MAN1A2: variants seen among roughly 807,000 people sequenced by gnomAD.
MAN1A2 encodes the protein mannosidase alpha class 1A member 2.
A neutral mutation model predicts 75.7 loss-of-function variants in MAN1A2; 26 were observed. The observed-to-expected ratio is 0.34, with a 90% CI of 0.25 to 0.48. MAN1A2 has a LOEUF of 0.48. Among genes scored for constraint, MAN1A2 ranks in the 20% least tolerant of loss-of-function variants. The pLI, the probability that MAN1A2 is intolerant of heterozygous loss-of-function variation, is 0.99. For synonymous variants in MAN1A2, 247 were observed against 264.6 expected, an observed-to-expected ratio of 0.93 and a Z score of 0.65; for missense variants, 562 against 775.5, an observed-to-expected ratio of 0.72 and a Z score of 3.27.
At position 117,516,933 on chromosome 1, in the gene MAN1A2, G is replaced by A. The variant is rs77415948; in HGVS notation, c.1794-5892G>A. 2.0e-3 allele frequency among the ~76,000 whole-genome samples: 309 copies of A among 152,224 alleles called. 6 individuals are homozygous for A. The East Asian group carries it at 0.039, about 19-fold the overall frequency. ...ACATGCATGTGAAGAACCTACCTGA[G>A]GTGAGGGAAAGAATCATCCTAGAGG... On this transcript the variant is annotated intron_variant, in intron 12 of 12. Transcript: ENST00000356554.
At position 117,391,152 on chromosome 1, in the gene MAN1A2, A is replaced by G. The variant is rs547864928; in HGVS notation, c.303-11034A>G. On this transcript the variant is annotated intron_variant, in intron 1 of 12. Coordinates refer to ENST00000356554, the MANE Select transcript of MAN1A2 (RefSeq NM_006699.5). ...CTGGTTTCTACTCTAATCCCATTGT[A>G]GCAAAAAACATACTTTATATGGTCT... Among the ~76,000 whole-genome samples, 8 of 152,294 alleles carry G rather than the reference A, an allele frequency of 5.3e-5. No individual in the cohort carries two copies. In the East Asian group the frequency reaches 5.8e-4, roughly 11 times the overall value.
At chr1:117,518,460 G>A (rs1651781059) in intron 12 of MAN1A2, among the ~76,000 whole-genome samples, 1 of 151,750 alleles carries the variant, frequency 6.6e-6, no homozygotes, top group South Asian at 2.1e-4. Context: ...TTTATGAGGT[G>A]AAACCATTTT....
chr1:117,426,496 A>G (rs1043308334), intron 5 of MAN1A2, among the ~76,000 whole-genome samples: 1 of 152,180 alleles, frequency 6.6e-6, no homozygotes, highest in South Asian at 2.1e-4. Flanking sequence ...AAAACATCCT[A>G]AGTTGAAAAT....
rs546987670 is a variant in MAN1A2, at chr1:117,480,114, CAGTT to C, written c.1169-13028_1169-13025del. ...TTTCATGTGGTTCTTTCCATTGTCT[CAGTT>C]AGTTTCTTCACGTGCAAGTGCTGCT... On this transcript the variant is annotated intron_variant, in intron 8 of 12. Coordinates refer to ENST00000356554, the MANE Select transcript of MAN1A2 (RefSeq NM_006699.5). 1.1e-4 allele frequency among the ~76,000 whole-genome samples: 16 copies of C among 152,008 alleles called. 1 individual carries two copies. The East Asian group carries it at 2.1e-3, about 20-fold the overall frequency.
rs557419425 is a variant in MAN1A2 at position 117,408,223 on chromosome 1, G to A, written c.655+2578G>A. 2.3e-4 allele frequency among the ~76,000 whole-genome samples: 35 copies of A among 151,758 alleles called. 2 individuals carry two copies. In the South Asian group the frequency reaches 5.0e-3, roughly 22 times the overall value. On this transcript the variant is annotated intron_variant, in intron 3 of 12. Coordinates refer to ENST00000356554, the MANE Select transcript of MAN1A2 (RefSeq NM_006699.5). Reference sequence around the variant, plus strand: ...GGGGCCAGGAGTCCAAGGCTATGGGGCACCATGATCATGATGCCTGTGAAT... The same window carrying A: ...GGGGCCAGGAGTCCAAGGCTATGGGACACCATGATCATGATGCCTGTGAAT...
chr1:117,463,713 T>TAA (rs151196628), intron 7 of MAN1A2, among the ~76,000 whole-genome samples: 2 of 143,808 alleles, frequency 1.4e-5, no homozygotes, highest in African/African-American at 5.1e-5. Context: ...TTAAAAACAG[T>TAA]AAAAAAAAAA....
In MAN1A2 at chr1:117,466,443, T is replaced by C; in HGVS notation, c.1168+16T>C. The C allele has an allele frequency of 6.8e-7, 1 of 1,470,984 alleles. No individual in the cohort carries two copies. Among genetic ancestry groups the C allele is most frequent in the Non-Finnish European group, 9.3e-7 (1 of 1,075,954 alleles). The allele number at this position is 1,470,984 out of a possible 1,614,324, so 91.1% of individuals were successfully genotyped here. A position where few individuals can be genotyped will look rare whatever the true frequency, so the allele number is the denominator to read the frequency against. ...TGGGGTCAGTGTAAGTATTCTAGTA[T>C]ACCTGAGGCTTTCTTAAAAAATTAT... On this transcript the variant is annotated intron_variant, in intron 8 of 12. Transcript: ENST00000356554.
In MAN1A2 at chr1:117,524,050, G is replaced by T. The variant is rs1159373356; in HGVS notation, c.*1093G>T. On this transcript the variant is annotated 3_prime_UTR_variant, in exon 13 of 13. Coordinates refer to ENST00000356554, the MANE Select transcript of MAN1A2 (RefSeq NM_006699.5). ...ATATTCTATCTGGAATAGGGACAGG[G>T]GATCTTTTATTTATAATCTCATCAG... is the stretch of plus-strand genomic sequence containing the variant. 6.6e-6 allele frequency: 1 copy of T among 151,808 alleles called. No individual in the cohort carries two copies. The highest frequency in any genetic ancestry group is 2.4e-5 in the African/African-American group (1 of 41,250). The allele number at this position is 151,808 out of a possible 1,614,324, so 9.4% of individuals were successfully genotyped here.
chr1:117,396,706 T>C (rs1445034860), intron 1 of MAN1A2, among the ~76,000 whole-genome samples: 1 of 152,202 alleles, frequency 6.6e-6, no homozygotes, highest in Non-Finnish European at 1.5e-5. Flanking sequence ...AAGCACATTA[T>C]TTGCTTTGGC....
intron 3 of MAN1A2, among the ~76,000 whole-genome samples, chr1:117,407,126 C>G (rs72689601): frequency 0.062 from 9,378 of 152,098 alleles, 404 homozygotes; most frequent in Middle Eastern, 0.11. Flanking sequence ...AGAAAATCTA[C>G]AGAATTTTCA....
At chr1:117,370,941 A>G (rs890535976) in intron 1 of MAN1A2, among the ~76,000 whole-genome samples, 2 of 152,174 alleles carry the variant, frequency 1.3e-5, no homozygotes, top group Non-Finnish European at 2.9e-5. Flanking sequence ...GTCAGACTGT[A>G]TAGATTCATA....
chr1:117,484,403 G>A (rs1570781752), intron 8 of MAN1A2, among the ~76,000 whole-genome samples: 1 of 151,862 alleles, frequency 6.6e-6, no homozygotes, highest in African/African-American at 2.4e-5. Context: ...ATGACTTTTC[G>A]CTGCTTCTTG....
At chr1:117,464,182 A>G (rs1160660255) in intron 7 of MAN1A2, among the ~76,000 whole-genome samples, 1 of 151,596 alleles carries the variant, frequency 6.6e-6, no homozygotes, top group Non-Finnish European at 1.5e-5. Context: ...CCTGGGCAAC[A>G]TGGTGAAACC....
At chr1:117,438,714 A>C (rs1011878322) in intron 5 of MAN1A2, among the ~76,000 whole-genome samples, 8 of 152,186 alleles carry the variant, frequency 5.3e-5, no homozygotes, top group African/African-American at 1.7e-4. Flanking sequence ...TGTTAAAATT[A>C]CCTACAACGT....
chr1:117,457,282 G>A (rs1366264732), intron 6 of MAN1A2, among the ~76,000 whole-genome samples: 2 of 151,952 alleles, frequency 1.3e-5, no homozygotes, highest in African/African-American at 4.8e-5. Context: ...GGTATTCATT[G>A]CAAATTTTTT....
chr1:117,466,512 G>T, intron 8 of MAN1A2, 85 bp downstream of exon 8: 1 of 851,400 alleles, frequency 1.2e-6, no homozygotes, highest in Non-Finnish European at 1.8e-6. Context: ...AGTACACTAC[G>T]TGGAGTTAGA....
At chr1:117,473,848 CTG>C (rs1475633413) in intron 8 of MAN1A2, among the ~76,000 whole-genome samples, 3 of 151,938 alleles carry the variant, frequency 2.0e-5, no homozygotes, top group Non-Finnish European at 2.9e-5. Flanking sequence ...CATATTTTCT[CTG>C]TGAATTAGAA....
intron 6 of MAN1A2, among the ~76,000 whole-genome samples, chr1:117,448,718 C>T (rs1216108358): frequency 6.6e-6 from 1 of 152,092 alleles, no homozygotes; most frequent in Non-Finnish European, 1.5e-5. Flanking sequence ...TATCCAGTGA[C>T]CTATGGGGCA....
chr1:117,453,362 C>A (rs1649482474), intron 6 of MAN1A2, among the ~76,000 whole-genome samples: 1 of 152,176 alleles, frequency 6.6e-6, no homozygotes, highest in African/African-American at 2.4e-5. Flanking sequence ...GGAAAGGAGT[C>A]ACTATTCTAG....
Sources: gnomAD v4.1 joint callset for allele counts (sites outside exome capture counted in the v4.1 genomes callset) on GRCh38, gnomAD v4.1.1 for gene constraint, MANE v1.5 for transcripts, NCBI Gene and HGNC (gene_info 2026-07-23, HGNC 2026-07-21) for gene names.